GPAM: variants seen among roughly 807,000 people sequenced by gnomAD.
GPAM encodes the protein glycerol-3-phosphate acyltransferase 1, mitochondrial.
A neutral mutation model predicts 105.0 loss-of-function variants in GPAM; 56 were observed. The ratio of observed to expected loss-of-function variants is 0.53; its 90% CI spans 0.43 to 0.67. The LOEUF (loss-of-function observed/expected upper bound fraction) is 0.67. Among genes scored for constraint, GPAM ranks in the 30% least tolerant of loss-of-function variants. The pLI, the probability that GPAM is intolerant of heterozygous loss-of-function variation, is 0.00. For synonymous variants in GPAM, 368 were observed against 354.4 expected (o/e 1.04, Z -0.43); for missense variants, 855 against 989.8 (o/e 0.86, Z 1.83).
At chr10:112,212,885 A>G (rs986196589) in intron 1 of GPAM, among the ~76,000 whole-genome samples, 1 of 152,168 alleles carries the variant, frequency 6.6e-6, no homozygotes, top group Non-Finnish European at 1.5e-5. Flanking sequence ...TTAAGCACTT[A>G]CTTCAAGGCT....
chr10:112,196,658 A>G (rs890656400), intron 1 of GPAM, among the ~76,000 whole-genome samples: 3 of 152,240 alleles, frequency 2.0e-5, no homozygotes, highest in African/African-American at 2.4e-5. Context: ...AGCAGTCATC[A>G]TCATCTTACT....
intron 1 of GPAM, among the ~76,000 whole-genome samples, chr10:112,193,974 T>C (rs1034031138): frequency 2.6e-5 from 4 of 152,100 alleles, no homozygotes; most frequent in African/African-American, 4.8e-5. Context: ...CTAGGGAGAG[T>C]GACTATATCA....
chr10:112,185,794 A>G (rs77613555), upstream of GPAM, among the ~76,000 whole-genome samples: 1,883 of 152,040 alleles, frequency 0.012, 39 homozygotes, highest in African/African-American at 0.044. Context: ...CAAACAAACA[A>G]AAAAAAACTT....
chr10:112,217,733 GC>G (rs1847985216), upstream of GPAM, among the ~76,000 whole-genome samples: 1 of 152,052 alleles, frequency 6.6e-6, no homozygotes, highest in South Asian at 2.1e-4. Context: ...TATTTTTATT[GC>G]CCTTTCAAAG....
chr10:112,214,014 C>T (rs1847942269), intron 1 of GPAM, among the ~76,000 whole-genome samples: 1 of 152,136 alleles, frequency 6.6e-6, no homozygotes, highest in South Asian at 2.1e-4. Flanking sequence ...CTTCTAGGCC[C>T]TCATACTCTG....
At chr10:112,180,449 G>C in intron 4 of GPAM, 24 bp downstream of exon 4, 1 of 1,610,472 alleles carries the variant, frequency 6.2e-7, no homozygotes. Flanking sequence ...GAGTATTAGG[G>C]TCAATAAGCA....
chr10:112,192,150 A>G (rs1847667757), intron 1 of GPAM, among the ~76,000 whole-genome samples: 1 of 152,172 alleles, frequency 6.6e-6, no homozygotes, highest in African/African-American at 2.4e-5. Context: ...CTTCAAGAGA[A>G]CTTTGACATA....
chr10:112,224,202 A>C, the GPAM span, among the ~76,000 whole-genome samples: 2 of 152,214 alleles, frequency 1.3e-5, no homozygotes, highest in Non-Finnish European at 2.9e-5. Flanking sequence ...GTATTCCTTC[A>C]ATGTAAAACA....
intron 6 of GPAM, 105 bp from the exon 7 acceptor site, chr10:112,173,950 T>C: frequency 1.1e-6 from 1 of 926,834 alleles, no homozygotes; most frequent in Non-Finnish European, 1.8e-6. Flanking sequence ...AAATGTATGT[T>C]CTCTTTAAAA....
chr10:112,185,451 A>G (rs901535248), upstream of GPAM, among the ~76,000 whole-genome samples: 1 of 151,578 alleles, frequency 6.6e-6, no homozygotes, highest in Admixed American at 6.6e-5. Context: ...TAGAAAAAAT[A>G]AACTGAGCAT....
At chr10:112,200,392 A>G (rs547436198) in intron 1 of GPAM, among the ~76,000 whole-genome samples, 25 of 151,840 alleles carry the variant, frequency 1.6e-4, no homozygotes, top group African/African-American at 5.8e-4. Flanking sequence ...ATCTCAAGCT[A>G]TCATCCCACT....
chr10:112,226,993 A>G, the GPAM span, among the ~76,000 whole-genome samples: 2 of 152,136 alleles, frequency 1.3e-5, no homozygotes, highest in African/African-American at 4.8e-5. Flanking sequence ...GACATGTTCC[A>G]AGACTCTTTT....
chr10:112,191,176 C>G (rs915087229), intron 1 of GPAM, among the ~76,000 whole-genome samples: 1 of 152,190 alleles, frequency 6.6e-6, no homozygotes, highest in Non-Finnish European at 1.5e-5. Flanking sequence ...TGCACCAAGT[C>G]CAGGTCCAAC....
Position 112,153,513 on chromosome 10 carries a change from C to T in GPAM, c.*37G>A. On this transcript the variant is annotated 3_prime_UTR_variant, in exon 22 of 22. Transcript: ENST00000348367. ...AAGCTGGTACCTACAAGGAACTCAT[C>T]TCATGACCTTCATTTGCCAGCAGTG... The T allele has an allele frequency of 6.2e-7, 1 of 1,613,120 alleles. No individual in the cohort carries two copies. The highest frequency in any genetic ancestry group is 8.5e-7 in the Non-Finnish European group (1 of 1,179,398).
chr10:112,215,451 TGCTAGGCTGAG>T (rs926079959), upstream of GPAM: 1 of 152,164 alleles, frequency 6.6e-6, no homozygotes, highest in African/African-American at 2.4e-5. Flanking sequence ...AGATAAGGCC[TGCTAGGCTGAG>T]CTTGGCCAGC....
At position 112,150,863 on chromosome 10, in the gene GPAM, C is replaced by T. The variant is rs148320794; in HGVS notation, c.*2687G>A. ...CCCATCCAGGTTACTGGCAATTCCA[C>T]AATTTGGGCTTACATTCATTGTAAT... On this transcript the variant is annotated 3_prime_UTR_variant, in exon 22 of 22. Transcript: ENST00000348367. The T allele has an allele frequency of 7.5e-4, 738 of 985,096 alleles. 4 individuals are homozygous for T. In the African/African-American group the frequency reaches 0.011, roughly 15 times the overall value. 61.0% of individuals were successfully genotyped at this position (985,096 alleles called of 1,614,324 possible). A position where few individuals can be genotyped will look rare whatever the true frequency, so the allele number is the denominator to read the frequency against.
At chr10:112,200,036 G>A (rs1412843446) in intron 1 of GPAM, among the ~76,000 whole-genome samples, 1 of 151,814 alleles carries the variant, frequency 6.6e-6, no homozygotes, top group Non-Finnish European at 1.5e-5. Flanking sequence ...ATCACTGTAT[G>A]AAAGCATGGC....
rs1847774014 is a variant in GPAM at position 112,199,988 on chromosome 10, T to C, written n.210+15180A>G. Among the ~76,000 whole-genome samples, 3 of 151,700 alleles carry C rather than the reference T, an allele frequency of 2.0e-5. No individual in the cohort carries two copies. The South Asian group carries it at 6.2e-4, about 32-fold the overall frequency. Reference sequence around the variant, plus strand: ...TATCAAAACATCACATTGTACACCATAAATATATACAATTGTTGTCAACTA... The same window carrying C: ...TATCAAAACATCACATTGTACACCACAAATATATACAATTGTTGTCAACTA... On this transcript the variant is annotated intron_variant and non_coding_transcript_variant, in intron 1 of 3. Coordinates refer to the GPAM transcript ENST00000480130.
chr10:112,152,326 A>C lies in GPAM; in HGVS notation c.*1224T>G. 1.0e-6 allele frequency: 1 copy of C among 984,822 alleles called. No individual in the cohort carries two copies. Among genetic ancestry groups the C allele is most frequent in the Non-Finnish European group, 1.2e-6 (1 of 829,352 alleles). 61.0% of individuals were successfully genotyped at this position (984,822 alleles called of 1,614,324 possible). Reference sequence around the variant, plus strand: ...TCCCTGCTCACAAAAGGCACCTACCAATTATGAACAGACCATTTTTCATAA... The same window carrying C: ...TCCCTGCTCACAAAAGGCACCTACCCATTATGAACAGACCATTTTTCATAA... On this transcript the variant is annotated 3_prime_UTR_variant, in exon 22 of 22. Coordinates refer to ENST00000348367, the MANE Select transcript of GPAM (RefSeq NM_001244949.2).
Sources: gnomAD v4.1 joint callset for allele counts (sites outside exome capture counted in the v4.1 genomes callset) on GRCh38, gnomAD v4.1.1 for gene constraint, MANE v1.5 for transcripts, NCBI Gene and HGNC (gene_info 2026-07-23, HGNC 2026-07-21) for gene names.